The following CMIP variants were observed in gnomAD, a reference collection of about 807,000 sequenced individuals.
The protein encoded by CMIP is c-Maf inducing protein, also known as C-Maf-inducing protein.
In CMIP, 13 loss-of-function variants were observed where a neutral mutation model predicts 97.3. The ratio of observed to expected loss-of-function variants is 0.13; its 90% CI spans 0.09 to 0.21. The LOEUF (loss-of-function observed/expected upper bound fraction) is 0.21, where lower values mean the gene tolerates loss of function less well. CMIP is among the 10% of genes least tolerant of loss of function. CMIP has a pLI of 1.00. For missense variants in CMIP, 847 were observed against 1,024.9 expected, an observed-to-expected ratio of 0.83 and a Z score of 2.37; for synonymous variants, 538 against 436.3, an observed-to-expected ratio of 1.23 and a Z score of -2.91.
At chr16:81,562,531 G>T (rs999808608) in intron 1 of CMIP, among the ~76,000 whole-genome samples, 3 of 152,260 alleles carry the variant, frequency 2.0e-5, no homozygotes, top group African/African-American at 7.2e-5. Context: ...ATGATCCCTG[G>T]GCTGGGGCCC....
At chr16:81,561,935 A>G (rs1203357764) in intron 1 of CMIP, among the ~76,000 whole-genome samples, 5 of 152,116 alleles carry the variant, frequency 3.3e-5, no homozygotes, top group African/African-American at 9.7e-5. Flanking sequence ...GGGAGTTGGG[A>G]TACCTGCTGG....
intron 1 of CMIP, among the ~76,000 whole-genome samples, chr16:81,494,209 TC>T (rs2150769503): frequency 6.6e-6 from 1 of 152,224 alleles, no homozygotes; most frequent in East Asian, 1.9e-4. Flanking sequence ...AGCTGCCTCT[TC>T]CTGGGTCTCC....
At chr16:81,577,073 T>C (rs1293125366) in intron 1 of CMIP, among the ~76,000 whole-genome samples, 1 of 141,292 alleles carries the variant, frequency 7.1e-6, no homozygotes, top group Non-Finnish European at 1.5e-5. Flanking sequence ...ATCACCACCA[T>C]CATCCCCATT....
At chr16:81,708,600 C>T (rs954260807) in intron 20 of CMIP, among the ~76,000 whole-genome samples, 2 of 152,204 alleles carry the variant, frequency 1.3e-5, no homozygotes, top group Non-Finnish European at 2.9e-5. Flanking sequence ...GGAGGGGACT[C>T]GAGCAAACAG....
At chr16:81,584,952 C>T (rs1326392542) in intron 1 of CMIP, among the ~76,000 whole-genome samples, 1 of 152,232 alleles carries the variant, frequency 6.6e-6, no homozygotes, top group Non-Finnish European at 1.5e-5. Context: ...ATTTTAATAT[C>T]ACCCGTAAGT....
At chr16:81,609,199 A>G (rs1434082119) in intron 2 of CMIP, among the ~76,000 whole-genome samples, 1 of 86,148 alleles carries the variant, frequency 1.2e-5, no homozygotes, top group Admixed American at 1.3e-4. Flanking sequence ...TCCCCACCAC[A>G]GCCAGCAAAG....
chr16:81,574,093 A>G (rs2091145810), intron 1 of CMIP, among the ~76,000 whole-genome samples: 1 of 152,222 alleles, frequency 6.6e-6, no homozygotes, highest in Admixed American at 6.5e-5. Context: ...TGGTCACACT[A>G]GCCACATTGT....
intron 1 of CMIP, among the ~76,000 whole-genome samples, chr16:81,486,547 A>C (rs771317915): frequency 3.3e-5 from 5 of 152,164 alleles, no homozygotes; most frequent in African/African-American, 4.8e-5. Context: ...ACTTGAGTGC[A>C]CACAGTGACT....
intron 10 of CMIP, among the ~76,000 whole-genome samples, chr16:81,690,495 C>G (rs1256302937): frequency 6.6e-6 from 1 of 152,094 alleles, no homozygotes; most frequent in East Asian, 1.9e-4. Flanking sequence ...ACCTGTAATC[C>G]TAGCACTTTG....
intron 1 of CMIP, among the ~76,000 whole-genome samples, chr16:81,451,933 C>T (rs1045291577): frequency 4.6e-5 from 7 of 152,214 alleles, no homozygotes; most frequent in Non-Finnish European, 4.4e-5. Flanking sequence ...CAACAGGCAC[C>T]GAGGGAGACT....
At chr16:81,488,263 G>A (rs138773014) in intron 1 of CMIP, among the ~76,000 whole-genome samples, 1 of 152,222 alleles carries the variant, frequency 6.6e-6, no homozygotes, top group African/African-American at 2.4e-5. Flanking sequence ...GAGCCAGTCT[G>A]CATGGGTTTT....
chr16:81,709,680 C>G, intron 20 of CMIP, 66 bp from the exon 21 acceptor site: 4 of 1,579,252 alleles, frequency 2.5e-6, no homozygotes, highest in Non-Finnish European at 3.5e-6. Context: ...CGGGTGGAGC[C>G]AGGCACTGGC....
chr16:81,669,043 T>A (rs1214274218), intron 7 of CMIP, among the ~76,000 whole-genome samples: 1 of 104,042 alleles, frequency 9.6e-6, no homozygotes, highest in Admixed American at 9.9e-5. Flanking sequence ...CCCACCACAC[T>A]CTCCTCCTTC....
At chr16:81,630,534 G>A (rs1478792718) in intron 3 of CMIP, 1 of 152,292 alleles carries the variant, frequency 6.6e-6, no homozygotes, top group African/African-American at 2.4e-5. Context: ...CAGTGCCACT[G>A]GCTCTGGCTG....
At chr16:81,601,776 G>C (rs1218564562) in intron 1 of CMIP, among the ~76,000 whole-genome samples, 1 of 152,110 alleles carries the variant, frequency 6.6e-6, no homozygotes, top group East Asian at 1.9e-4. Flanking sequence ...GTGGGCTGCC[G>C]CATCTCCAAT....
chr16:81,668,929 G>GCCTTCCACACCCACCTCACA lies in CMIP; in HGVS notation c.826-1191_826-1172dup, dbSNP rs1192401198. ...CTTCCACACCCACCTCACACTCACG[G>GCCTTCCACACCCACCTCACA]CCTTCCACACCCACCTCACACCTTC... is the stretch of plus-strand genomic sequence containing the variant. On this transcript the variant is annotated intron_variant, in intron 7 of 20. Transcript: ENST00000537098. 4.1e-5 allele frequency among the ~76,000 whole-genome samples: 3 copies of GCCTTCCACACCCACCTCACA among 72,936 alleles called. No homozygotes were observed. In the South Asian group the frequency reaches 1.4e-3, roughly 35 times the overall value. The allele number at this position is 72,936 out of a possible 152,430, so 47.8% of individuals were successfully genotyped here. A position where few individuals can be genotyped will look rare whatever the true frequency, so the allele number is the denominator to read the frequency against.
At chr16:81,597,608 C>A (rs1048711751) in intron 1 of CMIP, among the ~76,000 whole-genome samples, 38 of 149,068 alleles carry the variant, frequency 2.5e-4, no homozygotes, top group African/African-American at 9.0e-4. Flanking sequence ...GGGGGGGAGT[C>A]TCCCAGCCTG....
At chr16:81,517,563 T>G (rs77384835) in intron 1 of CMIP, among the ~76,000 whole-genome samples, 7,268 of 152,340 alleles carry the variant, frequency 0.048, 199 homozygotes, top group Non-Finnish European at 0.065. Context: ...GGGGATTTTG[T>G]TGCTTTTCAC....
intron 1 of CMIP, among the ~76,000 whole-genome samples, chr16:81,510,387 T>C (rs1220015539): frequency 6.6e-6 from 1 of 152,224 alleles, no homozygotes; most frequent in African/African-American, 2.4e-5. Context: ...GGTAGTGTTA[T>C]TACCACCTAA....
Sources: gnomAD v4.1 joint callset for allele counts (sites outside exome capture counted in the v4.1 genomes callset) on GRCh38, gnomAD v4.1.1 for gene constraint, MANE v1.5 for transcripts, NCBI Gene and HGNC (gene_info 2026-07-23, HGNC 2026-07-21) for gene names.